Variants in NEDD9 observed in about 807,000 individuals in gnomAD.
The protein encoded by NEDD9 is neural precursor cell expressed, developmentally down-regulated 9, also known as enhancer of filamentation 1.
A neutral mutation model predicts 76.6 loss-of-function variants in NEDD9; 26 were observed. That is an observed-to-expected ratio of 0.34 (90% CI 0.25 to 0.47). The LOEUF is 0.47. NEDD9 is among the 20% of genes least tolerant of loss of function. The pLI is 1.00. For synonymous variants in NEDD9, 392 were observed against 414.2 expected (o/e 0.95, Z 0.65); for missense variants, 937 against 1,058.5 (o/e 0.89, Z 1.59).
intron 4 of NEDD9, 45 bp downstream of exon 4, chr6:11,192,300 C>CA (rs771604528): frequency 2.1e-5 from 12 of 581,162 alleles, no homozygotes; most frequent in Middle Eastern, 2.8e-4. Flanking sequence ...GACACACAGA[C>CA]ACACACACAC....
intron 3 of NEDD9, among the ~76,000 whole-genome samples, chr6:11,274,160 C>A (rs1396147310): frequency 1.3e-5 from 2 of 152,206 alleles, no homozygotes; most frequent in African/African-American, 4.8e-5. Context: ...GGAACATACC[C>A]TCATTTGCAC....
rs1363031116 is a variant in NEDD9, at chr6:11,237,885, G to C, written c.13-24158C>G. Among the ~76,000 whole-genome samples, 2 of 152,184 alleles carry C rather than the reference G, an allele frequency of 1.3e-5. No individual in the cohort carries two copies. The highest frequency in any genetic ancestry group is 4.8e-5 in the African/African-American group (2 of 41,420). On this transcript the variant is annotated intron_variant, in intron 3 of 3. Transcript: ENST00000397378. This position sits in a 1 kb window ranked among gnomAD's most constrained non-coding sequence, Gnocchi z 4.9. Reference sequence around the variant, plus strand: ...CAATCTGGAAGCTGAGTGAGTGCTAGACCAGAGGAACAAGCCCAGTCCTAA... The same window carrying C: ...CAATCTGGAAGCTGAGTGAGTGCTACACCAGAGGAACAAGCCCAGTCCTAA...
intron 2 of NEDD9, among the ~76,000 whole-genome samples, chr6:11,324,955 T>C (rs1005266081): frequency 6.6e-6 from 1 of 152,202 alleles, no homozygotes; most frequent in Admixed American, 6.5e-5. Flanking sequence ...CAACTTAAAC[T>C]GAAAATGAAG....
At chr6:11,277,145 C>T (rs1407179275) in intron 3 of NEDD9, among the ~76,000 whole-genome samples, 2 of 152,300 alleles carry the variant, frequency 1.3e-5, no homozygotes, top group East Asian at 3.9e-4. Context: ...GCTGCAAAGA[C>T]ATCCACTGGG....
intron 1 of NEDD9, among the ~76,000 whole-genome samples, chr6:11,226,473 CA>C (rs1443330947): frequency 6.6e-6 from 1 of 152,144 alleles, no homozygotes; most frequent in African/African-American, 2.4e-5. Context: ...CATTTCAAAC[CA>C]ATTTGTTCAG....
At chr6:11,278,843 G>A (rs1661544817) in intron 3 of NEDD9, among the ~76,000 whole-genome samples, 2 of 152,006 alleles carry the variant, frequency 1.3e-5, no homozygotes, top group Admixed American at 1.3e-4. Context: ...TTACTAGAAG[G>A]CAGGGATTAC....
intron 1 of NEDD9, among the ~76,000 whole-genome samples, chr6:11,222,976 G>A (rs759277060): frequency 1.1e-4 from 16 of 152,204 alleles, no homozygotes; most frequent in Non-Finnish European, 1.9e-4. Flanking sequence ...CTCTGGGTAC[G>A]GGCAATGTTT....
chr6:11,221,862 A>G (rs925182201), intron 1 of NEDD9, among the ~76,000 whole-genome samples: 1 of 152,150 alleles, frequency 6.6e-6, no homozygotes, highest in African/African-American at 2.4e-5. Context: ...CACCCACAAG[A>G]TAGATTTTAT....
In NEDD9 at chr6:11,210,614, C is replaced by G. The variant is rs558523977; in HGVS notation, c.459+2667G>C. ...AATGATTCCCACCCACTGAGAATATCCTATACCCAGGAAGATGTTGACAGA... is the reference window on the plus strand; with the variant it reads ...AATGATTCCCACCCACTGAGAATATGCTATACCCAGGAAGATGTTGACAGA... On this transcript the variant is annotated intron_variant, in intron 2 of 6. Coordinates refer to ENST00000379446, the MANE Select transcript of NEDD9 (RefSeq NM_006403.4). 3.3e-5 allele frequency among the ~76,000 whole-genome samples: 5 copies of G among 152,146 alleles called. No individual in the cohort carries two copies. The East Asian group carries it at 5.8e-4, about 18-fold the overall frequency.
At chr6:11,238,825 G>T (rs763408228) in intron 3 of NEDD9, among the ~76,000 whole-genome samples, 1 of 152,106 alleles carries the variant, frequency 6.6e-6, no homozygotes, top group African/African-American at 2.4e-5. Context: ...AGTATGAGCC[G>T]CAGTAGGCTT....
At chr6:11,215,440 A>G (rs116789072) in intron 1 of NEDD9, among the ~76,000 whole-genome samples, 2,957 of 152,310 alleles carry the variant, frequency 0.019, 94 homozygotes, top group African/African-American at 0.068. Flanking sequence ...ACATACATAA[A>G]GAAAAAATCA....
At chr6:11,304,976 T>C in intron 3 of NEDD9, 2 of 789,440 alleles carry the variant, frequency 2.5e-6, no homozygotes, top group South Asian at 3.3e-5. Flanking sequence ...CACAGTGATA[T>C]GACAATCAAA....
chr6:11,193,092 G>A (rs1268911639), intron 3 of NEDD9, among the ~76,000 whole-genome samples: 2 of 151,998 alleles, frequency 1.3e-5, no homozygotes, highest in African/African-American at 4.8e-5. Context: ...ACCACTTGCA[G>A]TTAGGAGTTC....
intron 1 of NEDD9, among the ~76,000 whole-genome samples, chr6:11,338,608 T>C (rs1762211296): frequency 6.6e-6 from 1 of 152,164 alleles, no homozygotes; most frequent in Admixed American, 6.5e-5. Flanking sequence ...GGGAAAGGAA[T>C]GGACGCATTC....
chr6:11,193,985 G>A (rs915809364), intron 2 of NEDD9, among the ~76,000 whole-genome samples: 16 of 151,534 alleles, frequency 1.1e-4, no homozygotes, highest in African/African-American at 3.9e-4. Context: ...TCAGCCTCCT[G>A]AGTAGTTGAG....
chr6:11,197,328 A>G (rs1758319497), intron 2 of NEDD9, among the ~76,000 whole-genome samples: 1 of 151,908 alleles, frequency 6.6e-6, no homozygotes, highest in East Asian at 1.9e-4. Flanking sequence ...GGAATTACCA[A>G]ACTGACCTCT....
At chr6:11,238,176 A>G (rs541586270) in intron 3 of NEDD9, among the ~76,000 whole-genome samples, 3 of 152,094 alleles carry the variant, frequency 2.0e-5, no homozygotes, top group Non-Finnish European at 4.4e-5. Context: ...AGTCCATTTA[A>G]TATTCATCTC....
chr6:11,213,661 C>T lies in NEDD9; in HGVS notation c.79G>A (p.Gly27Arg). ...ECAEELAFRK[G>R]DILTVIEQNT... is the part of the protein sequence containing the mutation. ...TGCTCTATGACGGTCAGGATGTCTCCCTTGCGAAAGGCCAGTTCCTCGGCA... is the reference window on the plus strand; with the variant it reads ...TGCTCTATGACGGTCAGGATGTCTCTCTTGCGAAAGGCCAGTTCCTCGGCA... The change falls in exon 2 of 7, where the codon GGA (glycine) becomes AGA (arginine). Residue 27 changes from glycine to arginine, a missense_variant. By Grantham distance (125) the Gly-to-Arg change is moderately radical (BLOSUM62 -2). Transcript: ENST00000379446. This position sits in a 1 kb window ranked among gnomAD's most constrained non-coding sequence, Gnocchi z 5.4. The T allele has an allele frequency of 6.2e-7, 1 of 1,614,132 alleles. No individual in the cohort carries two copies. The highest frequency in any genetic ancestry group is 8.5e-7 in the Non-Finnish European group (1 of 1,180,020).
intron 3 of NEDD9, among the ~76,000 whole-genome samples, chr6:11,298,886 T>C (rs1238005877): frequency 2.0e-5 from 3 of 152,168 alleles, no homozygotes; most frequent in Non-Finnish European, 1.5e-5. Flanking sequence ...GATGGACGAA[T>C]AGGAACAGCT....
Sources: gnomAD v4.1 joint callset for allele counts (sites outside exome capture counted in the v4.1 genomes callset) on GRCh38, gnomAD v4.1.1 for gene constraint, Gnocchi (gnomAD v3.1) non-coding constraint, MANE v1.5 for transcripts, NCBI Gene and HGNC (gene_info 2026-07-23, HGNC 2026-07-21) for gene names.